The following SMARCAL1 variants were observed in gnomAD, a reference collection of about 807,000 sequenced individuals.
SMARCAL1 encodes SNF2 related chromatin remodeling annealing helicase 1.
In SMARCAL1, 58 loss-of-function variants were observed where a neutral mutation model predicts 94.5. That is an observed-to-expected ratio of 0.61 (90% CI 0.50 to 0.76). The LOEUF (loss-of-function observed/expected upper bound fraction) is 0.76, where lower values mean the gene tolerates loss of function less well. SMARCAL1 is among the 30% of genes least tolerant of loss of function. SMARCAL1 has a pLI of 0.00. For synonymous variants in SMARCAL1, 422 were observed against 455.1 expected, an observed-to-expected ratio of 0.93 and a Z score of 0.93; for missense variants, 1,051 against 1,177.9, an observed-to-expected ratio of 0.89 and a Z score of 1.58.
At chr2:216,476,269 G>C (rs1355117576) in intron 15 of SMARCAL1, among the ~76,000 whole-genome samples, 3 of 151,752 alleles carry the variant, frequency 2.0e-5, no homozygotes, top group Non-Finnish European at 4.4e-5. Flanking sequence ...GACCTTGAGG[G>C]TGTAGCCATT....
Position 216,414,796 on chromosome 2 carries a change from A to G in SMARCAL1, c.92A>G (p.Glu31Gly), listed in dbSNP as rs1237615679. ...LARRAEKLLA[E>G]QHQRTSSGTS... ...CGCAGAGCTGAGAAGTTATTGGCAGAACAGCATCAGAGGACTAGCTCGGGC... is the reference window on the plus strand; with the variant it reads ...CGCAGAGCTGAGAAGTTATTGGCAGGACAGCATCAGAGGACTAGCTCGGGC... Residue 31 changes from glutamate to glycine, a missense_variant, in exon 3 of 18, where the codon GAA (glutamate) becomes GGA (glycine). Around this residue, in one of 3 missense-constraint regions of SMARCAL1, gnomAD observed 398 missense variants for 395.2 expected, o/e 1.01. Transcript: ENST00000357276. 6.2e-7 allele frequency: 1 copy of G among 1,614,232 alleles called. No homozygotes were observed. The highest frequency in any genetic ancestry group is 8.5e-7 in the Non-Finnish European group (1 of 1,180,034).
At chr2:216,477,826 G>C (rs547108721) in intron 16 of SMARCAL1, among the ~76,000 whole-genome samples, 1 of 152,068 alleles carries the variant, frequency 6.6e-6, no homozygotes, top group Admixed American at 6.5e-5. Flanking sequence ...TCTGTTTCCA[G>C]CCTTATGACT....
At chr2:216,445,693 A>C (rs1038150857) in intron 10 of SMARCAL1, among the ~76,000 whole-genome samples, 1 of 152,180 alleles carries the variant, frequency 6.6e-6, no homozygotes, top group African/African-American at 2.4e-5. Flanking sequence ...ATGAGTCTGC[A>C]TTAAACCGTG....
Position 216,428,610 on chromosome 2 carries a change from T to C in SMARCAL1, c.1162T>C (p.Cys388Arg). 1 of 1,613,916 alleles carries C rather than the reference T, an allele frequency of 6.2e-7. No homozygotes were observed. Among genetic ancestry groups the C allele is most frequent in the East Asian group, 2.2e-5 (1 of 44,884 alleles). Reference sequence around the variant, plus strand: ...CTTCTTTTCAGTTGCAAAGGTGCGCTGCCTCCCACAAGTTCAGCTGGACCC... The same window carrying C: ...CTTCTTTTCAGTTGCAAAGGTGCGCCGCCTCCCACAAGTTCAGCTGGACCC... ...EHSKLIAKVR[C>R]LPQVQLDPLP... The change falls in exon 7 of 18, where the codon TGC (cysteine) becomes CGC (arginine). Residue 388 changes from cysteine (C) to arginine (R), a missense_variant. Around this residue, in one of 3 missense-constraint regions of SMARCAL1, gnomAD observed 642 missense variants for 754.7 expected, o/e 0.85. Coordinates refer to ENST00000357276, the MANE Select transcript of SMARCAL1 (RefSeq NM_014140.4).
chr2:216,463,743 T>TA (rs1694762067), intron 12 of SMARCAL1, among the ~76,000 whole-genome samples: 1 of 152,154 alleles, frequency 6.6e-6, no homozygotes, highest in South Asian at 2.1e-4. Context: ...ATAATGGTTT[T>TA]AAAATGATAC....
chr2:216,454,443 G>A (rs1694515219), intron 12 of SMARCAL1, among the ~76,000 whole-genome samples: 1 of 152,168 alleles, frequency 6.6e-6, no homozygotes, highest in South Asian at 2.1e-4. Flanking sequence ...CTCACCATCA[G>A]CCCAGATATT....
intron 5 of SMARCAL1, among the ~76,000 whole-genome samples, chr2:216,421,460 G>A (rs1465564375): frequency 6.6e-6 from 1 of 152,086 alleles, no homozygotes; most frequent in Non-Finnish European, 1.5e-5. Context: ...ACCACACTGG[G>A]CTAATTTTTG....
At chr2:216,457,501 T>C (rs957671880) in intron 12 of SMARCAL1, among the ~76,000 whole-genome samples, 1 of 152,210 alleles carries the variant, frequency 6.6e-6, no homozygotes, top group Non-Finnish European at 1.5e-5. Context: ...CAGACCACAG[T>C]GCAATCAAAC....
chr2:216,481,678 T>C (rs1228973003), intron 17 of SMARCAL1, among the ~76,000 whole-genome samples: 2 of 151,860 alleles, frequency 1.3e-5, no homozygotes, highest in Non-Finnish European at 2.9e-5. Flanking sequence ...TAATTTTTTG[T>C]ATTTTTAGTA....
chr2:216,434,072 G>A (rs1694021174), intron 8 of SMARCAL1, among the ~76,000 whole-genome samples: 1 of 151,550 alleles, frequency 6.6e-6, no homozygotes, highest in African/African-American at 2.4e-5. Flanking sequence ...AACTCCTGAG[G>A]TCAAGTGATC....
chr2:216,474,544 CAGG>C (rs1695032185), intron 14 of SMARCAL1, among the ~76,000 whole-genome samples: 4 of 150,854 alleles, frequency 2.7e-5, no homozygotes, highest in Admixed American at 2.6e-4. Context: ...CACCTGAGAT[CAGG>C]AGTTTGAGAC....
At position 216,472,093 on chromosome 2, in the gene SMARCAL1, G is replaced by A. The variant is rs568637369; in HGVS notation, c.2245-3176G>A. On this transcript the variant is annotated intron_variant, in intron 14 of 17. Transcript: ENST00000357276. ...ATGTTGTCCAGGCGCAGTGGCTCACGCCTGTAATCCCAGCACTTTGGGAGA... is the reference window on the plus strand; with the variant it reads ...ATGTTGTCCAGGCGCAGTGGCTCACACCTGTAATCCCAGCACTTTGGGAGA... Among the ~76,000 whole-genome samples the A allele has an allele frequency of 2.0e-4, 31 of 152,240 alleles. No homozygotes were observed. In the South Asian group the frequency reaches 6.4e-3, roughly 32 times the overall value.
At chr2:216,463,100 C>G (rs1694742438) in intron 12 of SMARCAL1, among the ~76,000 whole-genome samples, 1 of 152,174 alleles carries the variant, frequency 6.6e-6, no homozygotes. Context: ...TTATCAAGAT[C>G]TCAAGAATGA....
intron 12 of SMARCAL1, among the ~76,000 whole-genome samples, chr2:216,457,244 A>G (rs1694587216): frequency 6.6e-6 from 1 of 152,174 alleles, no homozygotes; most frequent in Non-Finnish European, 1.5e-5. Flanking sequence ...ATAATGGGAG[A>G]CTTTAACACC....
chr2:216,417,827 C>T (rs1042417382), intron 4 of SMARCAL1, among the ~76,000 whole-genome samples: 3 of 152,088 alleles, frequency 2.0e-5, no homozygotes, highest in African/African-American at 2.4e-5. Flanking sequence ...TCCCCTGTTG[C>T]GGTTGTTTTG....
intron 12 of SMARCAL1, among the ~76,000 whole-genome samples, chr2:216,459,010 A>G (rs1051786326): frequency 3.2e-4 from 48 of 152,220 alleles, no homozygotes; most frequent in African/African-American, 1.1e-3. Context: ...TCAATGTGCA[A>G]AAATCACAAG....
In SMARCAL1 at chr2:216,477,155, G is replaced by A; in HGVS notation, c.2474G>A (p.Ser825Asn). The A allele has an allele frequency of 1.9e-6, 3 of 1,596,234 alleles. No individual in the cohort carries two copies. Among genetic ancestry groups the A allele is most frequent in the East Asian group, 2.3e-5 (1 of 44,348 alleles). Residue 825 changes from serine to asparagine, a missense_variant, in exon 16 of 18, where the codon AGC (serine) becomes AAC (asparagine). Physicochemically the swap from Ser to Asn is conservative, Grantham distance 46. Transcript: ENST00000357276. Reference protein sequence around the residue: ...EDRVHRIGQTSSVGIHYLVAK... With the variant: ...EDRVHRIGQTNSVGIHYLVAK... ...CGCGTGCACCGCATTGGACAGACCA[G>A]CTCCGTGGGCATTCACTACCTCGTG...
In SMARCAL1 at chr2:216,436,092, C is replaced by G. The variant is rs147182445; in HGVS notation, c.1644+596C>G. 2.7e-3 allele frequency among the ~76,000 whole-genome samples: 408 copies of G among 152,278 alleles called. 2 individuals carry two copies. Among genetic ancestry groups the G allele is most frequent in the Non-Finnish European group, 3.5e-3 (239 of 68,008 alleles). On this transcript the variant is annotated intron_variant, in intron 9 of 17. Coordinates refer to ENST00000357276, the MANE Select transcript of SMARCAL1 (RefSeq NM_014140.4). ...CAAGCAATTCTCTTGCCTCAGCTCCCCAAGTAGCTGGGATTACAGGCACTT... is the reference window on the plus strand; with the variant it reads ...CAAGCAATTCTCTTGCCTCAGCTCCGCAAGTAGCTGGGATTACAGGCACTT...
At position 216,414,927 on chromosome 2, in the gene SMARCAL1, A is replaced by G; in HGVS notation, c.223A>G (p.Asn75Asp). The G allele has an allele frequency of 6.2e-7, 1 of 1,614,202 alleles. No individual in the cohort carries two copies. Among genetic ancestry groups the G allele is most frequent in the Non-Finnish European group, 8.5e-7 (1 of 1,180,030 alleles). ...CCATGGTGTCATTTTCAAGCAACAG[A>G]ATCTCAGTAGCTCATCTAATGCTGA... ...VSHGVIFKQQ[N>D]LSSSSNADQR... The change falls in exon 3 of 18, where the codon AAT becomes GAT. Residue 75 changes from asparagine to aspartate, a missense_variant. Physicochemically the swap from Asn to Asp is conservative, Grantham distance 23. This residue lies in a region of SMARCAL1 where 398 missense variants were observed against 395.2 expected (regional missense o/e 1.01). Transcript: ENST00000357276.
Sources: gnomAD v4.1 joint callset for allele counts (sites outside exome capture counted in the v4.1 genomes callset) on GRCh38, gnomAD v4.1.1 for gene constraint, gnomAD v4.1.1 regional missense constraint, MANE v1.5 for transcripts, NCBI Gene and HGNC (gene_info 2026-07-23, HGNC 2026-07-21) for gene names.